The following ARHGAP31 variants were observed in gnomAD, a reference collection of about 807,000 sequenced individuals.
ARHGAP31 encodes rho GTPase-activating protein 31.
A neutral mutation model predicts 113.9 loss-of-function variants in ARHGAP31; 34 were observed. The ratio of observed to expected loss-of-function variants is 0.30; its 90% confidence interval spans 0.23 to 0.40. ARHGAP31 has a LOEUF of 0.40. Ranked by LOEUF, ARHGAP31 falls within the 10% of genes least tolerant of loss-of-function variation. The pLI, the probability that ARHGAP31 is intolerant of heterozygous loss-of-function variation, is 1.00. For missense variants in ARHGAP31, 1,548 were observed against 1,767.1 expected (o/e 0.88, Z 2.22); for synonymous variants, 650 against 684.8 (o/e 0.95, Z 0.79).
rs894520215 is a variant in ARHGAP31 at position 119,416,055 on chromosome 3, A to G, written c.4126A>G (p.Ile1376Val). ...VTDSKVLLSP[I>V]RSPTQTVSPG... Reference sequence around the variant, plus strand: ...AGATTCCAAGGTCCTGCTGTCCCCTATCAGAAGTCCCACCCAGACAGTTTC... The same window carrying G: ...AGATTCCAAGGTCCTGCTGTCCCCTGTCAGAAGTCCCACCCAGACAGTTTC... The change falls in exon 12 of 12, where the codon ATC becomes GTC. Residue 1376 changes from isoleucine (I) to valine (V), a missense_variant. Ile to Val is a conservative substitution (Grantham distance 29). Coordinates refer to ENST00000264245, the MANE Select transcript of ARHGAP31 (RefSeq NM_020754.4). 5.0e-6 allele frequency: 8 copies of G among 1,614,130 alleles called. No individual in the cohort carries two copies. The East Asian group carries it at 1.6e-4, about 31-fold the overall frequency.
At chr3:119,398,719 A>C (rs908019044) in intron 8 of ARHGAP31, among the ~76,000 whole-genome samples, 1 of 152,224 alleles carries the variant, frequency 6.6e-6, no homozygotes, top group South Asian at 2.1e-4. Context: ...CTCAAGGAAC[A>C]GAGCTGCATC....
intron 1 of ARHGAP31, among the ~76,000 whole-genome samples, chr3:119,300,267 G>A (rs572778286): frequency 2.6e-5 from 4 of 152,318 alleles, no homozygotes; most frequent in Non-Finnish European, 5.9e-5. Context: ...AACCATAAGT[G>A]TAGCTATTAT....
chr3:119,294,870 C>T lies in ARHGAP31; in HGVS notation c.-35C>T. 6.3e-7 allele frequency: 1 copy of T among 1,595,156 alleles called. No individual in the cohort carries two copies. The highest frequency in any genetic ancestry group is 8.6e-7 in the Non-Finnish European group (1 of 1,163,260). ...ACAGCGGTGCCAAGCAGAGGGGCGGCAGAGACGGAGGGGCAGCCTCTTTGG... is the reference window on the plus strand; with the variant it reads ...ACAGCGGTGCCAAGCAGAGGGGCGGTAGAGACGGAGGGGCAGCCTCTTTGG... On this transcript the variant is annotated 5_prime_UTR_variant, in exon 1 of 12. Transcript: ENST00000264245.
chr3:119,308,637 G>C (rs537815148), intron 1 of ARHGAP31, among the ~76,000 whole-genome samples: 1 of 152,210 alleles, frequency 6.6e-6, no homozygotes, highest in Non-Finnish European at 1.5e-5. Flanking sequence ...CTATCTCAAG[G>C]TCCTTAACCT....
chr3:119,384,031 A>G (rs2080426377), intron 6 of ARHGAP31, among the ~76,000 whole-genome samples: 1 of 152,252 alleles, frequency 6.6e-6, no homozygotes, highest in African/African-American at 2.4e-5. Flanking sequence ...TTTTCAGGTG[A>G]TGCTGATGCT....
At chr3:119,319,847 A>G (rs1359019214) in intron 1 of ARHGAP31, among the ~76,000 whole-genome samples, 1 of 152,212 alleles carries the variant, frequency 6.6e-6, no homozygotes, top group Admixed American at 6.5e-5. Flanking sequence ...CTCCCATTTC[A>G]TTCCCAGTAA....
intron 6 of ARHGAP31, among the ~76,000 whole-genome samples, chr3:119,384,637 C>T (rs1346563713): frequency 6.6e-6 from 1 of 152,158 alleles, no homozygotes; most frequent in Non-Finnish European, 1.5e-5. Context: ...ATAATGAACT[C>T]ACTCCTGCAA....
intron 1 of ARHGAP31, among the ~76,000 whole-genome samples, chr3:119,336,625 ACTG>A (rs2079950907): frequency 6.6e-6 from 1 of 152,228 alleles, no homozygotes; most frequent in Non-Finnish European, 1.5e-5. Flanking sequence ...TGCTGCATTT[ACTG>A]CTGGTTTTAT....
chr3:119,350,621 G>A (rs1342474275), intron 1 of ARHGAP31, among the ~76,000 whole-genome samples: 2 of 152,092 alleles, frequency 1.3e-5, no homozygotes, highest in African/African-American at 2.4e-5. Context: ...TGAACTAGGC[G>A]TCTTTTAGAG....
chr3:119,351,959 T>C (rs766279966), intron 1 of ARHGAP31, among the ~76,000 whole-genome samples: 30 of 152,216 alleles, frequency 2.0e-4, no homozygotes, highest in Non-Finnish European at 3.8e-4. Context: ...TGAGTTGTTG[T>C]TGCCTAGGAA....
intron 1 of ARHGAP31, among the ~76,000 whole-genome samples, chr3:119,362,009 T>G (rs2080211077): frequency 6.6e-6 from 1 of 152,158 alleles, no homozygotes; most frequent in Non-Finnish European, 1.5e-5. Flanking sequence ...CAGAATAAAT[T>G]TATGGCAGAG....
rs2107648469 is a variant in ARHGAP31, at chr3:119,416,761, T to G, written c.*497T>G. On this transcript the variant is annotated 3_prime_UTR_variant, in exon 12 of 12. Coordinates refer to ENST00000264245, the MANE Select transcript of ARHGAP31 (RefSeq NM_020754.4). ...CTTTTAGACCAGTTTTCTAATAAGC[T>G]TTGTAAAATGTACTATCCAAATTAG... 4.9e-6 allele frequency: 1 copy of G among 204,132 alleles called. No individual in the cohort carries two copies. Among genetic ancestry groups the G allele is most frequent in the South Asian group, 8.6e-5 (1 of 11,590 alleles). 12.6% of individuals were successfully genotyped at this position (204,132 alleles called of 1,614,324 possible). A position where few individuals can be genotyped will look rare whatever the true frequency, so the allele number is the denominator to read the frequency against.
rs2080758956 is a variant in ARHGAP31, at chr3:119,414,905, C to A, written c.2976C>A (p.Pro992=). ...CTGACCCTCTTCAGCCCCAGGCACC[C>A]AGGAGAGAGATTACTGGATGGGATG... The part of the protein sequence containing the change: ...RNSDPLQPQA[P]RREITGWDEK... The change falls in exon 12 of 12, where the codon CCC becomes CCA. Residue 992 remains proline (P), a synonymous_variant. Transcript: ENST00000264245. 2 of 1,614,064 alleles carry A rather than the reference C, an allele frequency of 1.2e-6. No homozygotes were observed. The highest frequency in any genetic ancestry group is 2.2e-5 in the South Asian group (2 of 91,088).
intron 1 of ARHGAP31, among the ~76,000 whole-genome samples, chr3:119,357,333 C>T (rs2080167095): frequency 6.6e-6 from 1 of 152,034 alleles, no homozygotes; most frequent in African/African-American, 2.4e-5. Context: ...GTATCGGGTG[C>T]AAAGCCAGGA....
At position 119,347,935 on chromosome 3, in the gene ARHGAP31, G is replaced by A. The variant is rs368348240; in HGVS notation, c.101-17381G>A. Among the ~76,000 whole-genome samples, 8 of 152,350 alleles carry A rather than the reference G, an allele frequency of 5.3e-5. No homozygotes were observed. In the East Asian group the frequency reaches 1.2e-3, roughly 22 times the overall value. On this transcript the variant is annotated intron_variant, in intron 1 of 11. Transcript: ENST00000264245. ...TCTAATTCTAGGAATAAGAGTGTCTGTATGATAAACTAGCATTCTCTTTGC... is the reference window on the plus strand; with the variant it reads ...TCTAATTCTAGGAATAAGAGTGTCTATATGATAAACTAGCATTCTCTTTGC...
At chr3:119,353,407 C>T (rs56990214) in intron 1 of ARHGAP31, among the ~76,000 whole-genome samples, 27,641 of 152,184 alleles carry the variant, frequency 0.18, 3,546 homozygotes, top group African/African-American at 0.37. Context: ...GGCCAAGTGA[C>T]GTAATACCTC....
intron 8 of ARHGAP31, among the ~76,000 whole-genome samples, chr3:119,396,436 G>A (rs964050312): frequency 6.6e-6 from 1 of 152,230 alleles, no homozygotes; most frequent in Non-Finnish European, 1.5e-5. Context: ...AACTGTCAGT[G>A]TCAATATAAG....
intron 1 of ARHGAP31, among the ~76,000 whole-genome samples, chr3:119,353,442 A>G (rs970839725): frequency 3.4e-4 from 52 of 152,330 alleles, no homozygotes; most frequent in African/African-American, 1.2e-3. Context: ...TTCATTTACA[A>G]AACAGAGATA....
intron 1 of ARHGAP31, among the ~76,000 whole-genome samples, chr3:119,337,291 AG>A (rs1349882869): frequency 6.6e-6 from 1 of 152,146 alleles, no homozygotes; most frequent in African/African-American, 2.4e-5. Context: ...GTGAAGCTGC[AG>A]ACCTTTGCGT....
Sources: allele counts gnomAD v4.1 joint callset (sites outside exome capture counted in the v4.1 genomes callset), GRCh38; gene constraint gnomAD v4.1.1; transcripts MANE v1.5; gene names NCBI Gene and HGNC (gene_info 2026-07-23, HGNC 2026-07-21).